The following SCG5 variants were observed in gnomAD, a reference collection of about 807,000 sequenced individuals.
SCG5 encodes the protein secretogranin V, also known as neuroendocrine protein 7B2.
SCG5 carries 18 observed loss-of-function variants against 25.7 expected under a neutral mutation model. The observed-to-expected ratio is 0.70, with a 90% CI of 0.48 to 1.04. The LOEUF (loss-of-function observed/expected upper bound fraction) is 1.04, where lower values mean the gene tolerates loss of function less well. Among genes scored for constraint, SCG5 ranks in the 50% least tolerant of loss-of-function variants. The pLI, the probability that SCG5 is intolerant of heterozygous loss-of-function variation, is 0.00. For missense variants in SCG5, 206 were observed against 259.8 expected (o/e 0.79, Z 1.42); for synonymous variants, 101 against 91.7 (o/e 1.10, Z -0.58).
At chr15:32,657,947 A>G (rs1488586666) in intron 2 of SCG5, among the ~76,000 whole-genome samples, 1 of 152,156 alleles carries the variant, frequency 6.6e-6, no homozygotes, top group Non-Finnish European at 1.5e-5. Context: ...TGTTTACAGA[A>G]AATCAGGAAT....
At chr15:32,694,928 C>T (rs2054927308) in intron 5 of SCG5, among the ~76,000 whole-genome samples, 3 of 152,180 alleles carry the variant, frequency 2.0e-5, no homozygotes, top group African/African-American at 4.8e-5. Context: ...GAGAGCTCCA[C>T]CTGTGAACAG....
chr15:32,643,871 T>C, intron 2 of SCG5, 53 bp downstream of exon 2: 2 of 1,473,836 alleles, frequency 1.4e-6, no homozygotes, highest in South Asian at 2.3e-5. Flanking sequence ...TTAAATAATA[T>C]ATTTGCACAC....
At chr15:32,674,326 G>A (rs2054494745) in intron 2 of SCG5, among the ~76,000 whole-genome samples, 1 of 152,036 alleles carries the variant, frequency 6.6e-6, no homozygotes, top group African/African-American at 2.4e-5. Context: ...TTCGGATTTT[G>A]TTTTTTATGC....
intron 2 of SCG5, chr15:32,665,799 T>C (rs1296971135): frequency 1.3e-5 from 2 of 152,230 alleles, no homozygotes; most frequent in Non-Finnish European, 2.9e-5. Flanking sequence ...ATTTGAGGAA[T>C]GGCTGGTGGC....
At position 32,684,541 on chromosome 15, in the gene SCG5, C is replaced by T. The variant is rs1350601662; in HGVS notation, c.377-16C>T. 3 of 1,555,252 alleles carry T rather than the reference C, an allele frequency of 1.9e-6. No individual in the cohort carries two copies. The highest frequency in any genetic ancestry group is 1.7e-5 in the Admixed American group (1 of 58,816). On this transcript the variant is annotated splice_polypyrimidine_tract_variant and intron_variant, in intron 3 of 5. Coordinates refer to ENST00000300175, the MANE Select transcript of SCG5 (RefSeq NM_001144757.3). The stretch of plus-strand genomic sequence containing the variant: ...AATGTCTTGGCCGTTCCTCAAAAAC[C>T]TTTGGCTGTTTGCAGCAGATGATGG...
intron 5 of SCG5, 63 bp from the exon 6 acceptor site, chr15:32,696,451 T>G: frequency 4.4e-6 from 5 of 1,135,694 alleles, no homozygotes; most frequent in Non-Finnish European, 5.2e-6. Flanking sequence ...TTTTCTGAGA[T>G]GTCTGTATCT....
chr15:32,652,904 G>A (rs893611715), intron 2 of SCG5, among the ~76,000 whole-genome samples: 8 of 152,034 alleles, frequency 5.3e-5, no homozygotes, highest in Non-Finnish European at 7.4e-5. Context: ...TAGATGTCTT[G>A]TAGATCAAAA....
At chr15:32,667,280 A>G (rs1411713272) in intron 2 of SCG5, among the ~76,000 whole-genome samples, 2 of 152,240 alleles carry the variant, frequency 1.3e-5, no homozygotes, top group Admixed American at 1.3e-4. Flanking sequence ...TTTTTCATCA[A>G]TAGTTCTAGT....
chr15:32,691,395 AG>A (rs1244674412), intron 4 of SCG5, among the ~76,000 whole-genome samples: 1 of 152,210 alleles, frequency 6.6e-6, no homozygotes, highest in Non-Finnish European at 1.5e-5. Context: ...TTTTAAACAA[AG>A]GCTGTTCAAA....
chr15:32,683,588 G>A (rs1470522794), intron 3 of SCG5, among the ~76,000 whole-genome samples: 1 of 152,196 alleles, frequency 6.6e-6, no homozygotes, highest in Non-Finnish European at 1.5e-5. Context: ...AACCTATTAT[G>A]TGCCGGGTGT....
At chr15:32,673,667 A>G (rs2054482352) in intron 2 of SCG5, among the ~76,000 whole-genome samples, 1 of 152,056 alleles carries the variant, frequency 6.6e-6, no homozygotes. Flanking sequence ...AGAATTAATA[A>G]CTTAGAAGGA....
At chr15:32,671,640 G>C (rs2054425996) in intron 2 of SCG5, among the ~76,000 whole-genome samples, 1 of 151,914 alleles carries the variant, frequency 6.6e-6, no homozygotes, top group Admixed American at 6.6e-5. Context: ...TGAGTCCTCT[G>C]ATTGTGGACA....
chr15:32,661,397 A>G (rs1329594014), intron 2 of SCG5, among the ~76,000 whole-genome samples: 1 of 152,190 alleles, frequency 6.6e-6, no homozygotes, highest in Admixed American at 6.5e-5. Flanking sequence ...AGGCGGGCGG[A>G]TCACCTGAGG....
intron 4 of SCG5, among the ~76,000 whole-genome samples, chr15:32,690,391 T>A (rs1465336313): frequency 1.3e-5 from 2 of 151,460 alleles, no homozygotes; most frequent in Non-Finnish European, 1.5e-5. Flanking sequence ...GCCTCAGGAG[T>A]TTTTACGTTC....
chr15:32,679,459 G>A (rs1018040382), intron 2 of SCG5, among the ~76,000 whole-genome samples: 7 of 151,726 alleles, frequency 4.6e-5, no homozygotes, highest in South Asian at 2.1e-4. Flanking sequence ...CCTCGGCTTC[G>A]CAAAGTGCTG....
chr15:32,659,175 C>CAA (rs201195144), intron 2 of SCG5, among the ~76,000 whole-genome samples: 2 of 145,764 alleles, frequency 1.4e-5, no homozygotes, highest in African/African-American at 2.5e-5. Flanking sequence ...GACTCTGTCT[C>CAA]AAAAAAAAAC....
chr15:32,678,364 A>G (rs2140567369), intron 2 of SCG5, among the ~76,000 whole-genome samples: 1 of 152,332 alleles, frequency 6.6e-6, no homozygotes, highest in Admixed American at 6.5e-5. Context: ...GATAAGAAAA[A>G]CACTGAAATT....
At chr15:32,665,364 GTT>G (rs796582902) in intron 2 of SCG5, among the ~76,000 whole-genome samples, 1 of 146,648 alleles carries the variant, frequency 6.8e-6, no homozygotes, top group Non-Finnish European at 1.5e-5. Context: ...CTGGTTTGGG[GTT>G]TTTTTTTTTA....
chr15:32,696,902 T>A lies in SCG5; in HGVS notation c.*293T>A, dbSNP rs1381799569. 1 of 270,070 alleles carries A rather than the reference T, an allele frequency of 3.7e-6. No homozygotes were observed. Among genetic ancestry groups the A allele is most frequent in the Admixed American group, 4.9e-5 (1 of 20,428 alleles). The allele number at this position is 270,070 out of a possible 1,614,324, so 16.7% of individuals were successfully genotyped here. ...AAGCAAGACTATGAAAGGCTCAGAT[T>A]TCTTGCAGTTTAAAATGGTGTCTGA... is the stretch of plus-strand genomic sequence containing the variant. On this transcript the variant is annotated 3_prime_UTR_variant, in exon 6 of 6. Transcript: ENST00000300175.
Sources: gnomAD v4.1 joint callset for allele counts (sites outside exome capture counted in the v4.1 genomes callset) on GRCh38, gnomAD v4.1.1 for gene constraint, MANE v1.5 for transcripts, NCBI Gene and HGNC (gene_info 2026-07-23, HGNC 2026-07-21) for gene names.